The following HSF2BP variants were observed in gnomAD, a reference collection of about 807,000 sequenced individuals.
HSF2BP encodes heat shock transcription factor 2 binding protein.
A neutral mutation model predicts 35.0 loss-of-function variants in HSF2BP; 35 were observed. The ratio of observed to expected loss-of-function variants is 1.00; its 90% confidence interval spans 0.76 to 1.32. The LOEUF is 1.32. HSF2BP is among the 40% of genes most tolerant of loss of function. The pLI, the probability that HSF2BP is intolerant of heterozygous loss-of-function variation, is 0.00. For synonymous variants in HSF2BP, 114 were observed against 117.4 expected (o/e 0.97, Z 0.18); for missense variants, 326 against 321.7 (o/e 1.01, Z -0.10).
chr21:43,467,652 C>T, the HSF2BP span, among the ~76,000 whole-genome samples: 14 of 151,616 alleles, frequency 9.2e-5, no homozygotes, highest in African/African-American at 3.2e-4. Flanking sequence ...TGAGCCCTTC[C>T]GCAAGGATGG....
intron 7 of HSF2BP, among the ~76,000 whole-genome samples, 192 bp downstream of exon 7, chr21:43,613,638 T>C (rs752225251): frequency 5.3e-5 from 8 of 152,196 alleles, no homozygotes; most frequent in Non-Finnish European, 1.0e-4. Flanking sequence ...GGTGAGAACA[T>C]TCCTTCCTTA....
intron 8 of HSF2BP, among the ~76,000 whole-genome samples, chr21:43,582,603 G>A (rs2081772075): frequency 4.2e-5 from 2 of 47,592 alleles, no homozygotes; most frequent in African/African-American, 1.1e-4. Flanking sequence ...GGAGATGAAG[G>A]CCTGCTGAGG....
At chr21:43,586,896 G>T (rs1277184639) in intron 8 of HSF2BP, among the ~76,000 whole-genome samples, 1 of 151,838 alleles carries the variant, frequency 6.6e-6, no homozygotes, top group Non-Finnish European at 1.5e-5. Flanking sequence ...TGCCTCCTGG[G>T]TTCAAACAAT....
chr21:43,639,090 T>C (rs1424054236), intron 4 of HSF2BP, among the ~76,000 whole-genome samples: 1 of 152,130 alleles, frequency 6.6e-6, no homozygotes, highest in African/African-American at 2.4e-5. Flanking sequence ...TGGACAACGA[T>C]AAGCCAAAGA....
intron 4 of HSF2BP, among the ~76,000 whole-genome samples, chr21:43,638,440 A>G (rs1181877553): frequency 3.3e-5 from 5 of 152,228 alleles, no homozygotes; most frequent in African/African-American, 1.2e-4. Flanking sequence ...CCTGGGGGAC[A>G]AGATAAACAA....
chr21:43,636,276 GA>G (rs536566765), intron 4 of HSF2BP, among the ~76,000 whole-genome samples: 18 of 145,882 alleles, frequency 1.2e-4, no homozygotes, highest in Non-Finnish European at 2.4e-4. Context: ...AAGAAAAAAC[GA>G]AGGGGAAAAA....
In HSF2BP at chr21:43,650,367, C is replaced by T. The variant is rs796940202; in HGVS notation, c.188-5975G>A. 5.9e-5 allele frequency among the ~76,000 whole-genome samples: 9 copies of T among 152,070 alleles called. No individual in the cohort carries two copies. The South Asian group carries it at 8.3e-4, about 14-fold the overall frequency. On this transcript the variant is annotated intron_variant, in intron 3 of 8. Transcript: ENST00000291560. Reference sequence around the variant, plus strand: ...GACTACAGGCGCCCGCCACCATGCCCGGCTAATTTTTGTATTTTTAGTAGA... The same window carrying T: ...GACTACAGGCGCCCGCCACCATGCCTGGCTAATTTTTGTATTTTTAGTAGA...
rs7277692 is a variant in HSF2BP at position 43,610,342 on chromosome 21, A to C, written c.692+3488T>G. On this transcript the variant is annotated intron_variant, in intron 7 of 8. Transcript: ENST00000291560. ...CAGTGGCTCACGCTGTAATCCCAAC[A>C]TTCTGGGAGGCTGAGGCAGGTGGAT... Among the ~76,000 whole-genome samples the C allele has an allele frequency of 3.0e-3, 456 of 151,830 alleles. 1 individual carries two copies. The highest frequency in any genetic ancestry group is 0.01 in the African/African-American group (419 of 41,388).
At chr21:43,645,523 A>G (rs929827325) in intron 3 of HSF2BP, among the ~76,000 whole-genome samples, 25 of 152,216 alleles carry the variant, frequency 1.6e-4, no homozygotes, top group African/African-American at 6.0e-4. Flanking sequence ...AAAAATGGAG[A>G]GTAATGGAAG....
intron 6 of HSF2BP, among the ~76,000 whole-genome samples, chr21:43,624,844 CTCT>C (rs147187955): frequency 0.041 from 6,221 of 152,178 alleles, 432 homozygotes; most frequent in African/African-American, 0.14. Context: ...CTCTTTCACA[CTCT>C]TCATTTGCCC....
rs2082438802 is a variant in HSF2BP, at chr21:43,630,322, T to C, written c.574A>G (p.Asn192Asp). 3 of 1,611,294 alleles carry C rather than the reference T, an allele frequency of 1.9e-6. No homozygotes were observed. The highest frequency in any genetic ancestry group is 1.7e-6 in the Non-Finnish European group (2 of 1,178,920). The change falls in exon 6 of 9, where the codon AAT (asparagine) becomes GAT (aspartate). Residue 192 changes from asparagine to aspartate, a missense_variant and splice_region_variant. Asn to Asp is a conservative substitution (Grantham distance 23). Coordinates refer to ENST00000291560, the MANE Select transcript of HSF2BP (RefSeq NM_007031.2). ...FVFALAGIVT[N>D]VAAIACGREF... ...ATCTCTCAGGTGCGCCTGCACTTACTCGTGACAATTCCAGCCAGAGCGAAA... is the reference window on the plus strand; with the variant it reads ...ATCTCTCAGGTGCGCCTGCACTTACCCGTGACAATTCCAGCCAGAGCGAAA...
intron 3 of HSF2BP, among the ~76,000 whole-genome samples, chr21:43,651,109 TG>T (rs1169621651): frequency 6.6e-6 from 1 of 152,184 alleles, no homozygotes; most frequent in African/African-American, 2.4e-5. Context: ...GCTAAGCTGC[TG>T]GGCTGTGAAT....
At chr21:43,576,762 A>C (rs946650435) in intron 8 of HSF2BP, among the ~76,000 whole-genome samples, 1 of 152,256 alleles carries the variant, frequency 6.6e-6, no homozygotes, top group African/African-American at 2.4e-5. Context: ...AGTTTTTAAA[A>C]ACTTTCACTG....
chr21:43,632,384 CCCACA>C (rs542056969), intron 5 of HSF2BP, among the ~76,000 whole-genome samples: 2 of 127,970 alleles, frequency 1.6e-5, no homozygotes, highest in South Asian at 2.6e-4. Flanking sequence ...ACGCTCCCCC[CCCACA>C]CACACACACT....
rs991705301 is a variant in HSF2BP at position 43,633,324 on chromosome 21, A to G, written c.389T>C (p.Leu130Pro). 1 of 1,614,062 alleles carries G rather than the reference A, an allele frequency of 6.2e-7. No individual in the cohort carries two copies. The highest frequency in any genetic ancestry group is 1.1e-5 in the South Asian group (1 of 91,056). Residue 130 changes from leucine (L) to proline (P), a missense_variant, in exon 5 of 9, where the codon CTC (leucine) becomes CCC (proline). Coordinates refer to ENST00000291560, the MANE Select transcript of HSF2BP (RefSeq NM_007031.2). The part of the protein sequence containing the change: ...CTEMGAAACT[L>P]LWGVSSSEEV... Reference sequence around the variant, plus strand: ...CTCACTGCTGGAGACACCCCACAAGAGGGTACACGCTGCTGCTCCCATTTC... The same window carrying G: ...CTCACTGCTGGAGACACCCCACAAGGGGGTACACGCTGCTGCTCCCATTTC...
chr21:43,606,567 G>A lies in HSF2BP; in HGVS notation c.692+7263C>T, dbSNP rs368093872. On this transcript the variant is annotated intron_variant, in intron 7 of 8. Transcript: ENST00000291560. ...ACCAGACAGTCCACCTGATGACAAT[G>A]TGCAGGGTCTGGCCCAAGGCAGACT... 6.6e-5 allele frequency among the ~76,000 whole-genome samples: 10 copies of A among 152,322 alleles called. No homozygotes were observed. The East Asian group carries it at 1.4e-3, about 21-fold the overall frequency.
chr21:43,653,550 G>A (rs2082825533), intron 3 of HSF2BP, among the ~76,000 whole-genome samples: 1 of 152,246 alleles, frequency 6.6e-6, no homozygotes, highest in Admixed American at 6.5e-5. Flanking sequence ...AGCCGGGGCT[G>A]TGCCCAATAA....
rs770855952 is a variant in HSF2BP, at chr21:43,595,726, ATTTTTTTTTTTTT to A, written c.693-3411_693-3399del. On this transcript the variant is annotated intron_variant, in intron 7 of 8. Transcript: ENST00000291560. ...AGCATCTTTAAAAATTAAGAGGCTA[ATTTTTTTTTTTTT>A]TTTTTTTTTTTTTTTTTTTTGTGAA... Among the ~76,000 whole-genome samples, 82 of 58,460 alleles carry A rather than the reference ATTTTTTTTTTTTT, an allele frequency of 1.4e-3. No individual in the cohort carries two copies. The East Asian group carries it at 0.015, about 11-fold the overall frequency. The allele number at this position is 58,460 out of a possible 152,430, so 38.4% of individuals were successfully genotyped here.
rs1226612564 is a variant in HSF2BP, at chr21:43,651,199, TA to T, written c.187+5387del. 2.0e-5 allele frequency among the ~76,000 whole-genome samples: 3 copies of T among 152,198 alleles called. No homozygotes were observed. The East Asian group carries it at 5.8e-4, about 29-fold the overall frequency. On this transcript the variant is annotated intron_variant, in intron 3 of 8. Coordinates refer to ENST00000291560, the MANE Select transcript of HSF2BP (RefSeq NM_007031.2). ...GGAGGTGTTATTTACCAGGGACTCC[TA>T]TGAGCCAGTCACAGTGGCACACACC... is the stretch of plus-strand genomic sequence containing the variant.
Sources: allele counts gnomAD v4.1 joint callset (sites outside exome capture counted in the v4.1 genomes callset), GRCh38; gene constraint gnomAD v4.1.1; transcripts MANE v1.5; gene names NCBI Gene and HGNC (gene_info 2026-07-23, HGNC 2026-07-21).